The following CNBD1 variants were observed in gnomAD, a reference collection of about 807,000 sequenced individuals.
CNBD1 encodes cyclic nucleotide-binding domain-containing protein 1.
Under a neutral mutation model 54.4 loss-of-function variants are expected in CNBD1, and 71 were observed. That is an observed-to-expected ratio of 1.30 (90% CI 1.08 to 1.59). The LOEUF (loss-of-function observed/expected upper bound fraction) is 1.59, where lower values mean the gene tolerates loss of function less well. Ranked by LOEUF, CNBD1 falls within the 40% of genes most tolerant of loss-of-function variation. The pLI, the probability that CNBD1 is intolerant of heterozygous loss-of-function variation, is 0.00. For missense variants in CNBD1, 659 were observed against 518.0 expected, an observed-to-expected ratio of 1.27 and a Z score of -2.64; for synonymous variants, 182 against 170.7, an observed-to-expected ratio of 1.07 and a Z score of -0.51.
rs566064870 is a variant in CNBD1, at chr8:87,309,165, A to G, written c.1042+22494A>G. ...AATTTCAGTTTTGAGGAACCTCCAT[A>G]CATTTTTAAATAATGGCTTTATTTA... On this transcript the variant is annotated intron_variant, in intron 8 of 10. Coordinates refer to ENST00000518476, the MANE Select transcript of CNBD1 (RefSeq NM_173538.3). 1.5e-4 allele frequency among the ~76,000 whole-genome samples: 23 copies of G among 152,284 alleles called. No homozygotes were observed. In the South Asian group the frequency reaches 4.6e-3, roughly 30 times the overall value.
chr8:86,883,957 C>T (rs975777376), intron 1 of CNBD1, among the ~76,000 whole-genome samples: 3 of 151,910 alleles, frequency 2.0e-5, no homozygotes, highest in African/African-American at 4.8e-5. Context: ...CGAGACCATC[C>T]CGGCTAAAAC....
At chr8:87,083,798 C>G (rs894616356) in intron 4 of CNBD1, among the ~76,000 whole-genome samples, 5 of 151,962 alleles carry the variant, frequency 3.3e-5, no homozygotes, top group Admixed American at 6.6e-5. Flanking sequence ...CCATGTTAGC[C>G]AGGATGGTCT....
At chr8:87,001,803 G>T (rs1808999001) in intron 4 of CNBD1, among the ~76,000 whole-genome samples, 1 of 152,014 alleles carries the variant, frequency 6.6e-6, no homozygotes, top group Admixed American at 6.6e-5. Context: ...TTTCAATTCA[G>T]TTGGGAAGAT....
At position 87,227,316 on chromosome 8, in the gene CNBD1, A is replaced by G. The variant is rs1276297267; in HGVS notation, c.578-9603A>G. Among the ~76,000 whole-genome samples the G allele has an allele frequency of 1.7e-3, 242 of 142,488 alleles. 1 individual carries two copies. Among genetic ancestry groups the G allele is most frequent in the African/African-American group, 6.0e-3 (228 of 38,312 alleles). The allele number at this position is 142,488 out of a possible 152,430, so 93.5% of individuals were successfully genotyped here. On this transcript the variant is annotated intron_variant, in intron 5 of 10. Transcript: ENST00000518476. ...AGCTGGTGATTTTGCTCGTTAGTTGATGCAGTTTCTTCCTAGTCTCGATGG... is the reference window on the plus strand; with the variant it reads ...AGCTGGTGATTTTGCTCGTTAGTTGGTGCAGTTTCTTCCTAGTCTCGATGG...
At chr8:87,191,280 C>T (rs901230845) in intron 4 of CNBD1, among the ~76,000 whole-genome samples, 1 of 152,112 alleles carries the variant, frequency 6.6e-6, no homozygotes, top group Non-Finnish European at 1.5e-5. Flanking sequence ...AAGGAAGCAT[C>T]AGGCATGCAA....
At chr8:87,216,627 C>T (rs1437209966) in intron 5 of CNBD1, among the ~76,000 whole-genome samples, 1 of 152,098 alleles carries the variant, frequency 6.6e-6, no homozygotes, top group East Asian at 1.9e-4. Context: ...GGATAAAGCT[C>T]ACTGTCCCTT....
chr8:86,991,988 G>A (rs1354072652), intron 4 of CNBD1, among the ~76,000 whole-genome samples: 2 of 152,134 alleles, frequency 1.3e-5, no homozygotes, highest in African/African-American at 4.8e-5. Flanking sequence ...TATATTATGT[G>A]ATTGTTGCTG....
intron 8 of CNBD1, among the ~76,000 whole-genome samples, chr8:87,328,620 A>G (rs902286830): frequency 4.0e-5 from 6 of 151,838 alleles, no homozygotes; most frequent in African/African-American, 1.5e-4. Flanking sequence ...TTTTAGGATT[A>G]TTTTGTCTGT....
chr8:87,166,704 G>C lies in CNBD1; in HGVS notation c.432-39289G>C, dbSNP rs1355810581. ...TATTTGCACATGTTTGTTTCTATTT[G>C]GACAGTTCTTTCCTAACTAGGCTTG... On this transcript the variant is annotated intron_variant, in intron 4 of 10. Coordinates refer to ENST00000518476, the MANE Select transcript of CNBD1 (RefSeq NM_173538.3). The surrounding 1 kb of genome is among the most constrained non-coding windows in gnomAD (Gnocchi z 4.3). Among the ~76,000 whole-genome samples the C allele has an allele frequency of 2.0e-5, 3 of 151,600 alleles. No individual in the cohort carries two copies.
chr8:87,403,666 T>C (rs530421582), intron 2 of CNBD1, among the ~76,000 whole-genome samples: 1 of 152,108 alleles, frequency 6.6e-6, no homozygotes, highest in Admixed American at 6.6e-5. Context: ...GTAGCTTTTT[T>C]AAAAAAATTA....
At chr8:87,367,239 A>G (rs1268778518) in intron 10 of CNBD1, among the ~76,000 whole-genome samples, 2 of 152,052 alleles carry the variant, frequency 1.3e-5, no homozygotes, top group African/African-American at 4.8e-5. Context: ...TTGTTTGTCA[A>G]CTGTCAACTA....
intron 4 of CNBD1, among the ~76,000 whole-genome samples, chr8:86,958,767 C>T (rs1406512518): frequency 2.6e-5 from 4 of 152,128 alleles, no homozygotes; most frequent in Non-Finnish European, 5.9e-5. Flanking sequence ...ACTGATAGGT[C>T]TTGACTCTTT....
At chr8:87,071,127 A>G (rs1204214111) in intron 4 of CNBD1, among the ~76,000 whole-genome samples, 1 of 152,104 alleles carries the variant, frequency 6.6e-6, no homozygotes, top group Non-Finnish European at 1.5e-5. Context: ...GAACCAAAAT[A>G]CAGTAGTCCA....
intron 2 of CNBD1, among the ~76,000 whole-genome samples, chr8:86,891,571 T>C (rs1808768795): frequency 2.0e-5 from 3 of 152,140 alleles, no homozygotes; most frequent in African/African-American, 7.2e-5. Flanking sequence ...CTGTTTGGGG[T>C]CTTTAGTAGT....
At chr8:87,135,934 A>G (rs1433766869) in intron 4 of CNBD1, among the ~76,000 whole-genome samples, 1 of 152,032 alleles carries the variant, frequency 6.6e-6, no homozygotes, top group Non-Finnish European at 1.5e-5. Flanking sequence ...TTAACTAACA[A>G]TCAATCAATT....
intron 4 of CNBD1, among the ~76,000 whole-genome samples, chr8:87,081,609 G>T (rs1023337437): frequency 2.6e-5 from 4 of 151,246 alleles, no homozygotes; most frequent in African/African-American, 9.7e-5. Flanking sequence ...TGGTTCAAGC[G>T]ATTCTCCTGC....
intron 4 of CNBD1, among the ~76,000 whole-genome samples, chr8:87,051,523 C>T (rs966538292): frequency 6.6e-6 from 1 of 152,036 alleles, no homozygotes; most frequent in South Asian, 2.1e-4. Flanking sequence ...GATTTACCCA[C>T]GTATTTATTA....
At chr8:87,283,009 C>T (rs1375682512) in intron 6 of CNBD1, among the ~76,000 whole-genome samples, 1 of 152,020 alleles carries the variant, frequency 6.6e-6, no homozygotes, top group Non-Finnish European at 1.5e-5. Context: ...TTATGTATCA[C>T]CGTTTTCCCA....
intron 6 of CNBD1, among the ~76,000 whole-genome samples, chr8:87,261,389 G>A (rs28642847): frequency 0.28 from 42,705 of 151,818 alleles, 6,457 homozygotes; most frequent in African/African-American, 0.39. Flanking sequence ...CCATCTGTTA[G>A]AAGAAAAACT....
Sources: allele counts gnomAD v4.1 joint callset (sites outside exome capture counted in the v4.1 genomes callset), GRCh38; gene constraint gnomAD v4.1.1; non-coding constraint Gnocchi (gnomAD v3.1); transcripts MANE v1.5; gene names NCBI Gene and HGNC (gene_info 2026-07-23, HGNC 2026-07-21).